CDH12: variants seen among roughly 807,000 people sequenced by gnomAD.
CDH12 encodes cadherin 12.
A neutral mutation model predicts 74.1 loss-of-function variants in CDH12; 41 were observed. The ratio of observed to expected loss-of-function variants is 0.55; its 90% CI spans 0.43 to 0.72. CDH12 has a LOEUF of 0.72. CDH12 is among the 30% of genes least tolerant of loss of function. The pLI is 0.00. For synonymous variants in CDH12, 399 were observed against 355.0 expected (o/e 1.12, Z -1.39); for missense variants, 945 against 977.2 (o/e 0.97, Z 0.44).
intron 1 of CDH12, among the ~76,000 whole-genome samples, chr5:22,544,171 C>A (rs1224028476): frequency 1.3e-5 from 2 of 151,790 alleles, no homozygotes; most frequent in Non-Finnish European, 2.9e-5. Flanking sequence ...GCTCTTTTCT[C>A]CTCTAGGTTG....
intron 2 of CDH12, among the ~76,000 whole-genome samples, chr5:22,486,217 T>G (rs890319244): frequency 1.2e-4 from 18 of 152,178 alleles, no homozygotes; most frequent in Admixed American, 1.2e-3. Context: ...GTTCTAGTTA[T>G]AGTCTCAGAA....
intron 3 of CDH12, among the ~76,000 whole-genome samples, chr5:22,287,009 T>C (rs1001199159): frequency 6.6e-6 from 1 of 152,074 alleles, no homozygotes; most frequent in African/African-American, 2.4e-5. Context: ...CCAGGGAGAA[T>C]CGGAAAGTTG....
At chr5:22,491,637 AAAC>A (rs1278007403) in intron 2 of CDH12, among the ~76,000 whole-genome samples, 4 of 151,768 alleles carry the variant, frequency 2.6e-5, no homozygotes, top group South Asian at 2.1e-4. Flanking sequence ...AAAAAAACAA[AAAC>A]AACAACAATA....
At chr5:22,596,038 G>A (rs1176364341) in intron 1 of CDH12, among the ~76,000 whole-genome samples, 1 of 151,514 alleles carries the variant, frequency 6.6e-6, no homozygotes, top group African/African-American at 2.4e-5. Context: ...AACCCAGGAG[G>A]CAGAGCTTGC....
intron 4 of CDH12, among the ~76,000 whole-genome samples, chr5:22,193,864 G>T (rs1388982741): frequency 6.6e-6 from 1 of 152,190 alleles, no homozygotes; most frequent in Non-Finnish European, 1.5e-5. Context: ...CCTACGCAAG[G>T]TATTATTTAA....
intron 1 of CDH12, among the ~76,000 whole-genome samples, chr5:22,773,989 T>C (rs1746955816): frequency 6.6e-6 from 1 of 152,004 alleles, no homozygotes; most frequent in African/African-American, 2.4e-5. Flanking sequence ...AAAAACAACA[T>C]ATACTGGTAA....
At chr5:22,167,056 G>A (rs1289314081) in intron 4 of CDH12, among the ~76,000 whole-genome samples, 1 of 152,078 alleles carries the variant, frequency 6.6e-6, no homozygotes, top group Admixed American at 6.6e-5. Flanking sequence ...TAATAAAGGA[G>A]GCTAAACATG....
chr5:21,961,114 T>A (rs1459772047), intron 6 of CDH12, among the ~76,000 whole-genome samples: 1 of 152,130 alleles, frequency 6.6e-6, no homozygotes, highest in African/African-American at 2.4e-5. Flanking sequence ...TGTTCATCTA[T>A]TGTTTATTTT....
At chr5:22,519,285 AC>A (rs1736941924) in intron 1 of CDH12, among the ~76,000 whole-genome samples, 1 of 151,932 alleles carries the variant, frequency 6.6e-6, no homozygotes, top group Non-Finnish European at 1.5e-5. Context: ...CTTCTTCACC[AC>A]CATTTTTATT....
intron 1 of CDH12, among the ~76,000 whole-genome samples, chr5:22,567,447 G>A (rs977321094): frequency 1.3e-5 from 2 of 152,198 alleles, no homozygotes; most frequent in African/African-American, 4.8e-5. Flanking sequence ...CAGGGTATAA[G>A]AAACTTATTA....
intron 4 of CDH12, among the ~76,000 whole-genome samples, chr5:22,160,882 G>A (rs1191556720): frequency 6.6e-6 from 1 of 152,134 alleles, no homozygotes; most frequent in East Asian, 1.9e-4. Context: ...CAAGTTTGGG[G>A]GAAAAGCAAA....
At chr5:22,103,004 G>T (rs1015089428) in intron 4 of CDH12, among the ~76,000 whole-genome samples, 1 of 152,148 alleles carries the variant, frequency 6.6e-6, no homozygotes, top group Admixed American at 6.5e-5. Context: ...ATCATTAGGG[G>T]CTCTGCAGTA....
At chr5:21,811,652 T>C (rs780533636) in intron 9 of CDH12, among the ~76,000 whole-genome samples, 6 of 151,914 alleles carry the variant, frequency 3.9e-5, no homozygotes, top group Non-Finnish European at 8.8e-5. Flanking sequence ...TTAAAAAACT[T>C]TATTCTGATT....
At chr5:21,901,247 CCT>C (rs1191675049) in intron 6 of CDH12, among the ~76,000 whole-genome samples, 2 of 151,940 alleles carry the variant, frequency 1.3e-5, no homozygotes, top group Non-Finnish European at 2.9e-5. Flanking sequence ...TTTTTGTATG[CCT>C]AGAACTTATA....
chr5:22,518,719 A>G (rs1374403721), intron 1 of CDH12, among the ~76,000 whole-genome samples: 1 of 152,168 alleles, frequency 6.6e-6, no homozygotes, highest in Non-Finnish European at 1.5e-5. Flanking sequence ...CCTGCCACCA[A>G]CTAATAGAAT....
intron 4 of CDH12, among the ~76,000 whole-genome samples, chr5:22,181,270 T>A (rs1433792081): frequency 1.3e-5 from 2 of 152,154 alleles, no homozygotes; most frequent in Admixed American, 1.3e-4. Context: ...GTAAGCTTTT[T>A]TTTTGCATTC....
In CDH12 at chr5:22,080,595, C is replaced by A. The variant is rs150890488; in HGVS notation, c.-186-1733G>T. 2.1e-3 allele frequency among the ~76,000 whole-genome samples: 326 copies of A among 152,010 alleles called. 2 individuals carry two copies. Among genetic ancestry groups the A allele is most frequent in the African/African-American group, 6.5e-3 (270 of 41,488 alleles). ...ATATGGAAACCTCTAGTCACATGTG[C>A]CTTTTTAGTTAAAAATTGGCAATTT... On this transcript the variant is annotated intron_variant, in intron 4 of 14. Coordinates refer to ENST00000382254, the MANE Select transcript of CDH12 (RefSeq NM_004061.5).
intron 3 of CDH12, among the ~76,000 whole-genome samples, chr5:22,345,187 A>G (rs954124118): frequency 2.6e-5 from 4 of 152,088 alleles, no homozygotes; most frequent in African/African-American, 9.7e-5. Context: ...GACTCAAATC[A>G]CTTTAGATTT....
intron 8 of CDH12, among the ~76,000 whole-genome samples, chr5:21,841,179 C>T (rs1464978014): frequency 6.6e-6 from 1 of 151,974 alleles, no homozygotes; most frequent in Non-Finnish European, 1.5e-5. Context: ...CAAACAACCC[C>T]ATCAAAAAGT....
Sources: allele counts gnomAD v4.1 joint callset (sites outside exome capture counted in the v4.1 genomes callset), GRCh38; gene constraint gnomAD v4.1.1; transcripts MANE v1.5; gene names NCBI Gene and HGNC (gene_info 2026-07-23, HGNC 2026-07-21).